The following FAM193B variants were observed in gnomAD, a reference collection of about 807,000 sequenced individuals.
FAM193B encodes family with sequence similarity 193 member B.
Under a neutral mutation model 70.7 loss-of-function variants are expected in FAM193B, and 27 were observed. The ratio of observed to expected loss-of-function variants is 0.38; its 90% CI spans 0.28 to 0.53. FAM193B has a LOEUF of 0.53. Among genes scored for constraint, FAM193B ranks in the 20% least tolerant of loss-of-function variants. The probability of loss-of-function intolerance (pLI) is 0.81; values close to 1 mark genes in which losing one functional copy is unlikely to be tolerated. For synonymous variants in FAM193B, 448 were observed against 436.0 expected, an observed-to-expected ratio of 1.03 and a Z score of -0.34; for missense variants, 1,022 against 1,072.5, an observed-to-expected ratio of 0.95 and a Z score of 0.66.
Position 177,524,242 on chromosome 5 carries a change from C to T in FAM193B, c.2239G>A (p.Gly747Ser). ...GPARPQSLPQ[G>S]KGRSRRSRNK... ...CGGCTCCGGCGGCTGCGGCCCTTGCCCTGGGGCAAGCTCTGTGGCCTTGCT... is the reference window on the plus strand; with the variant it reads ...CGGCTCCGGCGGCTGCGGCCCTTGCTCTGGGGCAAGCTCTGTGGCCTTGCT... The change falls in exon 6 of 9, where the codon GGC (glycine) becomes AGC (serine). Residue 747 changes from glycine (G) to serine (S), a missense_variant. Coordinates refer to ENST00000514747, the MANE Select transcript of FAM193B (RefSeq NM_001190946.3). The T allele has an allele frequency of 1.3e-6, 2 of 1,553,624 alleles. No homozygotes were observed. The highest frequency in any genetic ancestry group is 1.7e-6 in the Non-Finnish European group (2 of 1,150,656).
chr5:177,523,355 GTGTTT>G (rs1762068809), intron 7 of FAM193B: 1 of 249,596 alleles, frequency 4.0e-6, no homozygotes, highest in Non-Finnish European at 8.5e-6. Flanking sequence ...GCTATTTTTT[GTGTTT>G]TGTTTTTTTT....
Position 177,538,000 on chromosome 5 carries a change from A to G in FAM193B, c.561T>C (p.Pro187=), listed in dbSNP as rs766254028. 6.5e-5 allele frequency: 101 copies of G among 1,558,284 alleles called. No individual in the cohort carries two copies. In the Admixed American group the frequency reaches 6.6e-4, roughly 10 times the overall value. The change falls in exon 3 of 9, where the codon CCT becomes CCC. Residue 187 remains proline (P), a synonymous_variant. Coordinates refer to ENST00000514747, the MANE Select transcript of FAM193B (RefSeq NM_001190946.3). ...SSSSSSSSSC[P]GNSGDWDPSS... The stretch of plus-strand genomic sequence containing the variant: ...TAGGATCCCAGTCTCCCGAGTTCCC[A>G]GGGCAGGAAGAGGAGGACGAGGATG...
At chr5:177,548,940 C>T (rs1034291669) in intron 1 of FAM193B, among the ~76,000 whole-genome samples, 10 of 152,142 alleles carry the variant, frequency 6.6e-5, no homozygotes, top group African/African-American at 1.4e-4. Flanking sequence ...GAGTGGTGCT[C>T]GCCCTGGGTC....
chr5:177,525,345 C>T (rs1185676731), intron 5 of FAM193B, 140 bp from the exon 6 acceptor site: 3 of 850,430 alleles, frequency 3.5e-6, no homozygotes, highest in African/African-American at 3.5e-5. Context: ...GCTTACCCAC[C>T]CTGCAGGAGT....
In FAM193B at chr5:177,532,083, A is replaced by C. The variant is rs576648544; in HGVS notation, c.1275+360T>G. 2.3e-6 allele frequency: 3 copies of C among 1,300,934 alleles called. No individual in the cohort carries two copies. The highest frequency in any genetic ancestry group is 3.0e-6 in the Non-Finnish European group (3 of 997,110). 80.6% of individuals were successfully genotyped at this position (1,300,934 alleles called of 1,614,324 possible). A position where few individuals can be genotyped will look rare whatever the true frequency, so the allele number is the denominator to read the frequency against. ...TGGCTGTCACACTTGGGGGACTGAGAGCCTTTTTGCTTCCACTCTGCCTTC... is the reference window on the plus strand; with the variant it reads ...TGGCTGTCACACTTGGGGGACTGAGCGCCTTTTTGCTTCCACTCTGCCTTC... On this transcript the variant is annotated intron_variant, in intron 5 of 8. Coordinates refer to ENST00000514747, the MANE Select transcript of FAM193B (RefSeq NM_001190946.3). This position sits in a 1 kb window ranked among gnomAD's most constrained non-coding sequence, Gnocchi z 4.9.
intron 1 of FAM193B, chr5:177,553,676 C>T: frequency 1.6e-6 from 2 of 1,286,388 alleles, no homozygotes; most frequent in Middle Eastern, 2.6e-4. Flanking sequence ...GCTGGGTTTC[C>T]ACCTCAGTGC....
Position 177,532,496 on chromosome 5 carries a change from T to G in FAM193B, c.1222A>C (p.Arg408=), listed in dbSNP as rs772664769. The G allele has an allele frequency of 8.1e-5, 131 of 1,611,700 alleles. No homozygotes were observed. Among genetic ancestry groups the G allele is most frequent in the Non-Finnish European group, 1.1e-4 (129 of 1,179,178 alleles). ...CAGCAGTCACAGAACTTCCCATCTCTCTGGTGGGTGGAGGATGAGGTGCAG... is the reference window on the plus strand; with the variant it reads ...CAGCAGTCACAGAACTTCCCATCTCGCTGGTGGGTGGAGGATGAGGTGCAG... ...SSCTSSSTHQ[R]DGKFCDCCYC... is the part of the protein sequence containing the mutation. The change falls in exon 5 of 9, where the codon AGA becomes CGA. Residue 408 remains arginine, a synonymous_variant. Coordinates refer to ENST00000514747, the MANE Select transcript of FAM193B (RefSeq NM_001190946.3). This position sits in a 1 kb window ranked among gnomAD's most constrained non-coding sequence, Gnocchi z 4.9.
At position 177,538,450 on chromosome 5, in the gene FAM193B, A is replaced by G. The variant is rs1008479294; in HGVS notation, c.454-343T>C. 6.6e-6 allele frequency among the ~76,000 whole-genome samples: 1 copy of G among 152,170 alleles called. No homozygotes were observed. The highest frequency in any genetic ancestry group is 1.5e-5 in the Non-Finnish European group (1 of 68,022). ...TCCTGAAGCTAAACTGTTCCTGGGT[A>G]AAAGGGAAGATCTGCAGCGACGTGA... On this transcript the variant is annotated intron_variant, in intron 2 of 8. Coordinates refer to ENST00000514747, the MANE Select transcript of FAM193B (RefSeq NM_001190946.3). The surrounding 1 kb of genome is among the most constrained non-coding windows in gnomAD (Gnocchi z 4.1).
intron 1 of FAM193B, among the ~76,000 whole-genome samples, chr5:177,548,187 A>G (rs1765716299): frequency 6.6e-6 from 1 of 152,164 alleles, no homozygotes; most frequent in Non-Finnish European, 1.5e-5. Context: ...GGATATCCTA[A>G]CACTCTTTTG....
In FAM193B at chr5:177,538,786, T is replaced by C; in HGVS notation, c.453+119A>G. Reference sequence around the variant, plus strand: ...ATGCTGTGCCAGTGCAGCCCAGAAGTCTCTCAGTGCCTGGGCATGGGAGCT... The same window carrying C: ...ATGCTGTGCCAGTGCAGCCCAGAAGCCTCTCAGTGCCTGGGCATGGGAGCT... On this transcript the variant is annotated intron_variant, in intron 2 of 8. Transcript: ENST00000514747. This position sits in a 1 kb window ranked among gnomAD's most constrained non-coding sequence, Gnocchi z 4.1. The C allele has an allele frequency of 7.4e-7, 1 of 1,352,806 alleles. No individual in the cohort carries two copies. Among genetic ancestry groups the C allele is most frequent in the South Asian group, 1.4e-5 (1 of 72,392 alleles). 83.8% of individuals were successfully genotyped at this position (1,352,806 alleles called of 1,614,324 possible). A position where few individuals can be genotyped will look rare whatever the true frequency, so the allele number is the denominator to read the frequency against.
Position 177,554,236 on chromosome 5 carries a change from C to A in FAM193B, c.210+13G>T, listed in dbSNP as rs941133578. On this transcript the variant is annotated intron_variant, in intron 1 of 8. Transcript: ENST00000514747. The stretch of plus-strand genomic sequence containing the variant: ...AGCGCCCGAGCCGCCGAAGTCTCCC[C>A]GCTCGCTCCTACCTGCGGGCCGGGC... 45 of 1,486,722 alleles carry A rather than the reference C, an allele frequency of 3.0e-5. No individual in the cohort carries two copies. Among genetic ancestry groups the A allele is most frequent in the Non-Finnish European group, 4.0e-5 (45 of 1,122,774 alleles). 92.1% of individuals were successfully genotyped at this position (1,486,722 alleles called of 1,614,324 possible).
At chr5:177,529,935 C>CG (rs1252842066) in intron 5 of FAM193B, among the ~76,000 whole-genome samples, 1 of 152,124 alleles carries the variant, frequency 6.6e-6, no homozygotes, top group South Asian at 2.1e-4. Flanking sequence ...CTTCAGGCGG[C>CG]GGGAGAAGGA....
intron 5 of FAM193B, chr5:177,531,342 C>A: frequency 1.5e-6 from 2 of 1,360,918 alleles, no homozygotes; most frequent in South Asian, 2.3e-5. Context: ...GGACTTTGGG[C>A]TCCGTGCTGT....
chr5:177,552,790 GT>G (rs1185500758), intron 1 of FAM193B, among the ~76,000 whole-genome samples: 1 of 152,224 alleles, frequency 6.6e-6, no homozygotes, highest in African/African-American at 2.4e-5. Context: ...CACTCAGTAA[GT>G]GCTGACATTT....
intron 1 of FAM193B, chr5:177,547,056 C>T (rs1311692302): frequency 1.3e-5 from 2 of 152,192 alleles, no homozygotes; most frequent in Non-Finnish European, 2.9e-5. Context: ...TCAATATGAT[C>T]TTGGAATATT....
intron 1 of FAM193B, among the ~76,000 whole-genome samples, chr5:177,545,527 T>C (rs1765315281): frequency 1.3e-5 from 2 of 152,174 alleles, no homozygotes; most frequent in Admixed American, 1.3e-4. Flanking sequence ...CTCTTTGGGT[T>C]CCTCAATAAT....
Position 177,524,233 on chromosome 5 carries a change from G to A in FAM193B, c.2248C>T (p.Arg750Cys), listed in dbSNP as rs1488739170. 1 of 1,548,262 alleles carries A rather than the reference G, an allele frequency of 6.5e-7. No individual in the cohort carries two copies. Among genetic ancestry groups the A allele is most frequent in the Non-Finnish European group, 8.7e-7 (1 of 1,147,906 alleles). The change falls in exon 6 of 9, where the codon CGC (arginine) becomes TGC (cysteine). Residue 750 changes from arginine to cysteine, a missense_variant. Physicochemically the swap from Arg to Cys is radical, Grantham distance 180. Transcript: ENST00000514747. The part of the protein sequence containing the change: ...RPQSLPQGKG[R>C]SRRSRNKQEK... ...TGCTTGTTGCGGCTCCGGCGGCTGC[G>A]GCCCTTGCCCTGGGGCAAGCTCTGT... is the stretch of plus-strand genomic sequence containing the variant.
In FAM193B at chr5:177,538,333, G is replaced by A. The variant is rs1764432109; in HGVS notation, c.454-226C>T. Among the ~76,000 whole-genome samples the A allele has an allele frequency of 6.6e-6, 1 of 152,222 alleles. No individual in the cohort carries two copies. Among genetic ancestry groups the A allele is most frequent in the Admixed American group, 6.5e-5 (1 of 15,288 alleles). ...ATGCAATGTGTGGAGACTGGGGAGA[G>A]AGACTCTGGTAGGGGCAGAGACTGC... On this transcript the variant is annotated intron_variant, in intron 2 of 8. Coordinates refer to ENST00000514747, the MANE Select transcript of FAM193B (RefSeq NM_001190946.3). The surrounding 1 kb of genome is among the most constrained non-coding windows in gnomAD (Gnocchi z 4.1).
intron 7 of FAM193B, 50 bp downstream of exon 7, chr5:177,523,907 G>A (rs769026425): frequency 3.1e-6 from 5 of 1,595,216 alleles, no homozygotes; most frequent in East Asian, 2.2e-5. Flanking sequence ...TTGAGTGTGG[G>A]CAGGACCTGG....
Sources: gnomAD v4.1 joint callset for allele counts (sites outside exome capture counted in the v4.1 genomes callset) on GRCh38, gnomAD v4.1.1 for gene constraint, Gnocchi (gnomAD v3.1) non-coding constraint, MANE v1.5 for transcripts, NCBI Gene and HGNC (gene_info 2026-07-23, HGNC 2026-07-21) for gene names.